CRISPLD1: variants seen among roughly 807,000 people sequenced by gnomAD.
The protein encoded by CRISPLD1 is cysteine rich secretory protein LCCL domain containing 1.
In CRISPLD1, 60 loss-of-function variants were observed where a neutral mutation model predicts 77.5. That is an observed-to-expected ratio of 0.77 (90% confidence interval 0.63 to 0.96). The LOEUF (loss-of-function observed/expected upper bound fraction) is 0.96, where lower values mean the gene tolerates loss of function less well. Ranked by LOEUF, CRISPLD1 falls within the 40% of genes least tolerant of loss-of-function variation. The pLI is 0.00. For missense variants in CRISPLD1, 623 were observed against 615.8 expected, an observed-to-expected ratio of 1.01 and a Z score of -0.12; for synonymous variants, 195 against 200.1, an observed-to-expected ratio of 0.97 and a Z score of 0.22.
intron 10 of CRISPLD1, among the ~76,000 whole-genome samples, chr8:75,018,538 G>A (rs897700350): frequency 1.5e-4 from 23 of 152,026 alleles, no homozygotes; most frequent in African/African-American, 4.8e-4. Context: ...TGATCCACCC[G>A]CCTCAGCCTC....
intron 10 of CRISPLD1, among the ~76,000 whole-genome samples, chr8:75,019,584 C>A (rs1330918271): frequency 1.3e-5 from 2 of 151,638 alleles, no homozygotes; most frequent in East Asian, 1.9e-4. Context: ...TGATAGGAAC[C>A]AAATATATTT....
chr8:75,020,787 C>G (rs1241877755), intron 12 of CRISPLD1, among the ~76,000 whole-genome samples: 1 of 152,096 alleles, frequency 6.6e-6, no homozygotes, highest in African/African-American at 2.4e-5. Context: ...TTAGATCAAT[C>G]TGATTGCATT....
At chr8:74,991,420 C>T (rs768725406) in intron 2 of CRISPLD1, among the ~76,000 whole-genome samples, 4 of 152,190 alleles carry the variant, frequency 2.6e-5, no homozygotes, top group African/African-American at 4.8e-5. Flanking sequence ...TGGCTGCTCA[C>T]AATTTAAAGC....
At chr8:75,025,445 T>G (rs1438706144) in intron 12 of CRISPLD1, 101 bp from the exon 13 acceptor site, 1 of 362,348 alleles carries the variant, frequency 2.8e-6, no homozygotes, top group African/African-American at 2.1e-5. Context: ...GGGTTTAGAA[T>G]GTTGAGCTTA....
At chr8:75,020,949 T>C (rs983629849) in intron 12 of CRISPLD1, among the ~76,000 whole-genome samples, 7 of 152,198 alleles carry the variant, frequency 4.6e-5, no homozygotes, top group Admixed American at 2.0e-4. Context: ...TTAGAAGTAT[T>C]ATGGTTTAAT....
intron 14 of CRISPLD1, among the ~76,000 whole-genome samples, chr8:75,031,269 T>C (rs926883721): frequency 2.6e-5 from 4 of 152,076 alleles, no homozygotes; most frequent in African/African-American, 9.7e-5. Flanking sequence ...TGAATAAATA[T>C]ATAAAACATA....
rs1813164938 is a variant in CRISPLD1 at position 75,023,019 on chromosome 8, TAGATATTAA to T, written c.1245-2524_1245-2516del. Reference sequence around the variant, plus strand: ...TTATTGAATGCTCAAGATGTAAAAGTAGATATTAAAGTATGTCAGCATTTTCATTCAAAG... The same window carrying T: ...TTATTGAATGCTCAAGATGTAAAAGTAGTATGTCAGCATTTTCATTCAAAG... On this transcript the variant is annotated intron_variant, in intron 12 of 14. Transcript: ENST00000262207. Among the ~76,000 whole-genome samples, 4 of 147,354 alleles carry T rather than the reference TAGATATTAA, an allele frequency of 2.7e-5. No homozygotes were observed. In the South Asian group the frequency reaches 8.5e-4, roughly 31 times the overall value.
In CRISPLD1 at chr8:74,984,586, C is replaced by T. The variant is rs1812467312; in HGVS notation, c.-397C>T. On this transcript the variant is annotated 5_prime_UTR_variant, in exon 1 of 15. Transcript: ENST00000262207. ...GTCGCCGCCAGCCTCCGCCGCCGAGCCTCGTTCGTGTCCCCGCCCCTCGCT... is the reference window on the plus strand; with the variant it reads ...GTCGCCGCCAGCCTCCGCCGCCGAGTCTCGTTCGTGTCCCCGCCCCTCGCT... 1 of 152,764 alleles carries T rather than the reference C, an allele frequency of 6.5e-6. No homozygotes were observed. Among genetic ancestry groups the T allele is most frequent in the South Asian group, 2.1e-4 (1 of 4,846 alleles). The allele number at this position is 152,764 out of a possible 1,614,324, so 9.5% of individuals were successfully genotyped here.
At chr8:74,997,629 TAG>T (rs1207726457) in intron 2 of CRISPLD1, among the ~76,000 whole-genome samples, 1 of 152,116 alleles carries the variant, frequency 6.6e-6, no homozygotes, top group African/African-American at 2.4e-5. Context: ...TTGAATGCCT[TAG>T]ACTGAGCCGC....
intron 2 of CRISPLD1, among the ~76,000 whole-genome samples, chr8:74,993,625 G>GA (rs1267644549): frequency 6.6e-6 from 1 of 151,974 alleles, no homozygotes; most frequent in Admixed American, 6.6e-5. Context: ...AATACCTATA[G>GA]AAAAAAAAGT....
chr8:75,031,567 CTG>C (rs755567610), intron 14 of CRISPLD1, among the ~76,000 whole-genome samples: 852 of 65,390 alleles, frequency 0.013, 11 homozygotes, highest in African/African-American at 0.064. Context: ...ATTGAATGCT[CTG>C]TGTGTGTGTG....
At position 75,034,403 on chromosome 8, in the gene CRISPLD1, C is replaced by T; in HGVS notation, c.*2161C>T. ...ATATGAGGTCAGTGGACGCCATTTT[C>T]TGTTATAATCATTTTTGTTATCTAA... On this transcript the variant is annotated 3_prime_UTR_variant, in exon 15 of 15. Coordinates refer to ENST00000262207, the MANE Select transcript of CRISPLD1 (RefSeq NM_031461.6). The T allele has an allele frequency of 6.6e-6, 1 of 151,930 alleles. No homozygotes were observed. Among genetic ancestry groups the T allele is most frequent in the East Asian group, 1.9e-4 (1 of 5,194 alleles). 9.4% of individuals were successfully genotyped at this position (151,930 alleles called of 1,614,324 possible). A position where few individuals can be genotyped will look rare whatever the true frequency, so the allele number is the denominator to read the frequency against.
intron 2 of CRISPLD1, among the ~76,000 whole-genome samples, chr8:75,005,847 C>T (rs1289125644): frequency 6.6e-6 from 1 of 152,172 alleles, no homozygotes; most frequent in East Asian, 1.9e-4. Context: ...ATCCGGACTT[C>T]CAGCATAACT....
At chr8:74,988,987 C>T (rs1812534482) in intron 2 of CRISPLD1, among the ~76,000 whole-genome samples, 1 of 152,130 alleles carries the variant, frequency 6.6e-6, no homozygotes, top group African/African-American at 2.4e-5. Context: ...GCCAGAGGAG[C>T]ACAGAACAAA....
Position 75,016,575 on chromosome 8 carries a change from C to CAG in CRISPLD1, c.739_740dup (p.Tyr248GlyfsTer13). ...TGCTTTCTCTAACAGAAGGGTCAGA[C>CAG]AGGTATTATCCCCCTCGAGAAGAGG... On this transcript the variant is annotated frameshift_variant, in exon 7 of 15. Transcript: ENST00000262207. LOFTEE classifies it high-confidence loss of function. 1.2e-6 allele frequency: 2 copies of CAG among 1,611,432 alleles called. No individual in the cohort carries two copies. Among genetic ancestry groups the CAG allele is most frequent in the Non-Finnish European group, 1.7e-6 (2 of 1,178,494 alleles).
intron 2 of CRISPLD1, among the ~76,000 whole-genome samples, chr8:74,995,651 T>C (rs1403383920): frequency 2.0e-5 from 3 of 152,204 alleles, no homozygotes; most frequent in South Asian, 4.1e-4. Context: ...ATACACAGTC[T>C]TAACTCTCTT....
At chr8:75,027,519 T>C (rs765696454) in intron 13 of CRISPLD1, among the ~76,000 whole-genome samples, 3 of 152,230 alleles carry the variant, frequency 2.0e-5, no homozygotes, top group Non-Finnish European at 2.9e-5. Flanking sequence ...TAAGGTTTTG[T>C]TGGAACTCAT....
At chr8:75,013,934 G>A (rs1262256854) in intron 4 of CRISPLD1, 53 bp from the exon 5 acceptor site, 13 of 1,149,836 alleles carry the variant, frequency 1.1e-5, no homozygotes, top group Non-Finnish European at 1.7e-5. Flanking sequence ...CAGAAGTGTT[G>A]TCCTATTTCA....
chr8:75,026,256 ATTG>A (rs1563403475), intron 13 of CRISPLD1, among the ~76,000 whole-genome samples: 2 of 151,908 alleles, frequency 1.3e-5, no homozygotes, highest in African/African-American at 4.8e-5. Context: ...CTCTTTTTCT[ATTG>A]TTGTAGAGAT....
Sources: allele counts gnomAD v4.1 joint callset (sites outside exome capture counted in the v4.1 genomes callset), GRCh38; gene constraint gnomAD v4.1.1; transcripts MANE v1.5; gene names NCBI Gene and HGNC (gene_info 2026-07-23, HGNC 2026-07-21).